The following SPACA3 variants were observed in gnomAD, a reference collection of about 807,000 sequenced individuals.
The protein encoded by SPACA3 is sperm acrosome associated 3.
SPACA3 carries 21 observed loss-of-function variants against 24.5 expected under a neutral mutation model. That is an observed-to-expected ratio of 0.86 (90% CI 0.61 to 1.24). SPACA3 has a LOEUF of 1.24. SPACA3 is among the 50% of genes most tolerant of loss of function. The pLI is 0.00. For missense variants in SPACA3, 278 were observed against 275.5 expected, an observed-to-expected ratio of 1.01 and a Z score of -0.06; for synonymous variants, 115 against 106.9, an observed-to-expected ratio of 1.08 and a Z score of -0.47.
At chr17:32,995,955 G>A (rs567323665) in intron 2 of SPACA3, among the ~76,000 whole-genome samples, 1 of 152,166 alleles carries the variant, frequency 6.6e-6, no homozygotes, top group South Asian at 2.1e-4. Flanking sequence ...TGCTAAAGTC[G>A]GGGTCAAAGG....
Position 32,991,933 on chromosome 17 carries a change from G to A in SPACA3, c.-6G>A, listed in dbSNP as rs772875277. ...TTGAGCCACTGCTGCTGCTGCCATT[G>A]TCACCATGGTCTCAGCTCTGCGGGG... On this transcript the variant is annotated 5_prime_UTR_variant, in exon 1 of 5. Transcript: ENST00000269053. 22 of 1,612,916 alleles carry A rather than the reference G, an allele frequency of 1.4e-5. No homozygotes were observed. The highest frequency in any genetic ancestry group is 1.9e-5 in the Non-Finnish European group (22 of 1,179,488).
chr17:32,992,332 G>A (rs950999967), intron 1 of SPACA3, among the ~76,000 whole-genome samples: 1 of 152,102 alleles, frequency 6.6e-6, no homozygotes, highest in Non-Finnish European at 1.5e-5. Context: ...CTCTGGGAAA[G>A]GCCTGGCACA....
At position 32,991,892 on chromosome 17, in the gene SPACA3, G is replaced by T; in HGVS notation, c.-47G>T. Reference sequence around the variant, plus strand: ...CTGGCAAGGTTGTGGGGGACATCTTGAGCTGAAGCAGGGTTTTGAGCCACT... The same window carrying T: ...CTGGCAAGGTTGTGGGGGACATCTTTAGCTGAAGCAGGGTTTTGAGCCACT... On this transcript the variant is annotated 5_prime_UTR_variant, in exon 1 of 5. Transcript: ENST00000269053. The T allele has an allele frequency of 6.2e-7, 1 of 1,613,532 alleles. No individual in the cohort carries two copies. Among genetic ancestry groups the T allele is most frequent in the African/African-American group, 1.3e-5 (1 of 74,938 alleles).
At chr17:32,996,766 G>A (rs950043285) in intron 2 of SPACA3, 77 bp from the exon 3 acceptor site, 2 of 1,371,850 alleles carry the variant, frequency 1.5e-6, no homozygotes, top group Admixed American at 5.7e-5. Flanking sequence ...AGCCAGCGTG[G>A]GACCTGTGCA....
At chr17:32,993,651 G>A (rs563254996) in intron 1 of SPACA3, among the ~76,000 whole-genome samples, 1 of 150,634 alleles carries the variant, frequency 6.6e-6, no homozygotes, top group South Asian at 2.1e-4. Context: ...TGGCAGGGAG[G>A]CCAATTCACC....
intron 2 of SPACA3, 27 bp downstream of exon 2, chr17:32,995,744 C>T: frequency 6.3e-7 from 1 of 1,598,668 alleles, no homozygotes; most frequent in South Asian, 1.1e-5. Context: ...CTGGCGGGCC[C>T]TGACTTCCCC....
At position 32,997,773 on chromosome 17, in the gene SPACA3, T is replaced by G; in HGVS notation, c.643T>G (p.Phe215Val). 1 of 1,614,190 alleles carries G rather than the reference T, an allele frequency of 6.2e-7. No homozygotes were observed. The highest frequency in any genetic ancestry group is 8.5e-7 in the Non-Finnish European group (1 of 1,180,026). Residue 215 changes from phenylalanine (F) to valine (V), a missense_variant, in exon 5 of 5, where the codon TTC becomes GTC. Coordinates refer to ENST00000269053, the MANE Select transcript of SPACA3 (RefSeq NM_173847.5). ...DLTEWVDGCD[F>V] ...CACTGAATGGGTGGATGGCTGTGAC[T>G]TCTAGGATGGACGGAACCATGCACA...
intron 1 of SPACA3, among the ~76,000 whole-genome samples, chr17:32,992,186 C>CAAAAA (rs10591674): frequency 4.4e-5 from 5 of 113,546 alleles, no homozygotes; most frequent in South Asian, 3.1e-4. Flanking sequence ...CACTTTTCTA[C>CAAAAA]AAAAAAAAAA....
chr17:32,992,919 A>G (rs1410368142), intron 1 of SPACA3: 1 of 470,982 alleles, frequency 2.1e-6, no homozygotes, highest in African/African-American at 2.0e-5. Flanking sequence ...TCATTTAACA[A>G]ATTTGTTCTG....
Position 32,997,344 on chromosome 17 carries a change from T to TGTGTAGAGAG in SPACA3, c.503-101_503-100insGTGTAGAGAG, listed in dbSNP as rs140846693. The TGTGTAGAGAG allele has an allele frequency of 1.6e-3, 943 of 605,168 alleles. 6 individuals carry two copies. In the African/African-American group the frequency reaches 0.019, roughly 12 times the overall value. The allele number at this position is 605,168 out of a possible 1,614,324, so 37.5% of individuals were successfully genotyped here. ...GTGTGTGTGTGTGTGTGTGTGTGTG[T>TGTGTAGAGAG]AGAGAGAGAGAGAGAGACAGACAGA... is the stretch of plus-strand genomic sequence containing the variant. On this transcript the variant is annotated intron_variant, in intron 3 of 4. Coordinates refer to ENST00000269053, the MANE Select transcript of SPACA3 (RefSeq NM_173847.5).
rs2091715959 is a variant in SPACA3, at chr17:32,995,467, C to T, written c.93C>T (p.Ser31=). 1 of 1,613,468 alleles carries T rather than the reference C, an allele frequency of 6.2e-7. No individual in the cohort carries two copies. The highest frequency in any genetic ancestry group is 2.2e-5 in the East Asian group (1 of 44,848). ...TGAGTGGACCACGGAGGCTGGTGAG[C>T]TGCCTGTCATCCCAAAGCTCAGCTC... is the stretch of plus-strand genomic sequence containing the variant. ...PSVSGPRRLV[S]CLSSQSSALS... is the part of the protein sequence containing the mutation. Residue 31 remains serine (S), a synonymous_variant, in exon 2 of 5, where the codon AGC becomes AGT. Coordinates refer to ENST00000269053, the MANE Select transcript of SPACA3 (RefSeq NM_173847.5).
At position 32,993,025 on chromosome 17, in the gene SPACA3, C is replaced by T. The variant is rs28968; in HGVS notation, c.34+1053C>T. ...ATGGAGGTGTGAACCTAGGAAAGGA[C>T]GGTGCTCTCGGAGGGAAGGTGGAAT... On this transcript the variant is annotated intron_variant, in intron 1 of 4. Transcript: ENST00000269053. 8.8e-4 allele frequency: 402 copies of T among 454,908 alleles called. 1 individual carries two copies. In the Admixed American group the frequency reaches 9.0e-3, roughly 10 times the overall value. 28.2% of individuals were successfully genotyped at this position (454,908 alleles called of 1,614,324 possible). A position where few individuals can be genotyped will look rare whatever the true frequency, so the allele number is the denominator to read the frequency against.
Position 32,991,979 on chromosome 17 carries a change from C to T in SPACA3, c.34+7C>T, listed in dbSNP as rs974611221. ...CGGGGAGCACCCCTGATCAGTGAGC[C>T]CCCTTTCCCTTCTTCCTGGGGCTGT... is the stretch of plus-strand genomic sequence containing the variant. On this transcript the variant is annotated splice_region_variant and intron_variant, in intron 1 of 4. Coordinates refer to ENST00000269053, the MANE Select transcript of SPACA3 (RefSeq NM_173847.5). 1.9e-6 allele frequency: 3 copies of T among 1,613,598 alleles called. No homozygotes were observed. Among genetic ancestry groups the T allele is most frequent in the African/African-American group, 2.7e-5 (2 of 74,804 alleles).
At chr17:32,992,720 G>C (rs1032407638) in intron 1 of SPACA3, 1 of 371,852 alleles carries the variant, frequency 2.7e-6, no homozygotes. Context: ...ACCATGTAGA[G>C]GAAAGGAGAG....
In SPACA3 at chr17:32,992,108, G is replaced by GGAGA. The variant is rs113235680; in HGVS notation, c.34+153_34+156dup. 34 of 719,376 alleles carry GGAGA rather than the reference G, an allele frequency of 4.7e-5. No homozygotes were observed. In the South Asian group the frequency reaches 4.8e-4, roughly 10 times the overall value. The allele number at this position is 719,376 out of a possible 1,614,324, so 44.6% of individuals were successfully genotyped here. On this transcript the variant is annotated intron_variant, in intron 1 of 4. Coordinates refer to ENST00000269053, the MANE Select transcript of SPACA3 (RefSeq NM_173847.5). ...CCTGGAAGAGTGACCAGCTGAGAGA[G>GGAGA]GAGAGAGAGAGAGAGAGAGAAACTC...
chr17:32,992,818 G>T, intron 1 of SPACA3: 1 of 461,394 alleles, frequency 2.2e-6, no homozygotes. Context: ...TGGGCCGCAG[G>T]GCTGGGCTGT....
intron 1 of SPACA3, 62 bp from the exon 2 acceptor site, chr17:32,995,346 GC>G: frequency 6.8e-7 from 1 of 1,470,408 alleles, no homozygotes; most frequent in Non-Finnish European, 9.2e-7. Context: ...ATGCAAGGGG[GC>G]TGATACGTGC....
At chr17:32,996,314 C>G (rs1346770055) in intron 2 of SPACA3, among the ~76,000 whole-genome samples, 1 of 152,024 alleles carries the variant, frequency 6.6e-6, no homozygotes. Flanking sequence ...TATGGCGAAA[C>G]CCCGTCTCTA....
In SPACA3 at chr17:32,991,986, C is replaced by T. The variant is rs756698068; in HGVS notation, c.34+14C>T. On this transcript the variant is annotated intron_variant, in intron 1 of 4. Transcript: ENST00000269053. ...CACCCCTGATCAGTGAGCCCCCTTTCCCTTCTTCCTGGGGCTGTTAACAGG... is the reference window on the plus strand; with the variant it reads ...CACCCCTGATCAGTGAGCCCCCTTTTCCTTCTTCCTGGGGCTGTTAACAGG... 6.2e-7 allele frequency: 1 copy of T among 1,613,576 alleles called. No homozygotes were observed. The highest frequency in any genetic ancestry group is 8.5e-7 in the Non-Finnish European group (1 of 1,179,904).
Sources: allele counts gnomAD v4.1 joint callset (sites outside exome capture counted in the v4.1 genomes callset), GRCh38; gene constraint gnomAD v4.1.1; transcripts MANE v1.5; gene names NCBI Gene and HGNC (gene_info 2026-07-23, HGNC 2026-07-21).